The following BAALC variants were observed in gnomAD, a reference collection of about 807,000 sequenced individuals.
BAALC encodes the protein brain and acute leukemia cytoplasmic protein.
BAALC carries 9 observed loss-of-function variants against 15.5 expected under a neutral mutation model. The ratio of observed to expected loss-of-function variants is 0.58; its 90% CI spans 0.35 to 1.02. The LOEUF is 1.02. BAALC is among the 50% of genes least tolerant of loss of function. BAALC has a pLI of 0.02. For synonymous variants in BAALC, 80 were observed against 74.6 expected, an observed-to-expected ratio of 1.07 and a Z score of -0.37; for missense variants, 201 against 192.4, an observed-to-expected ratio of 1.04 and a Z score of -0.27.
intron 1 of BAALC, chr8:103,156,997 A>G (rs1172877476): frequency 6.6e-6 from 1 of 152,428 alleles, no homozygotes; most frequent in African/African-American, 2.4e-5. Flanking sequence ...TTGCACATAA[A>G]TTCAAAATTC....
At chr8:103,171,273 A>G (rs984982694) in intron 1 of BAALC, among the ~76,000 whole-genome samples, 5 of 131,608 alleles carry the variant, frequency 3.8e-5, no homozygotes, top group Non-Finnish European at 8.8e-5. Flanking sequence ...AAAGAAGAGA[A>G]AAAGAAAGAA....
At chr8:103,166,493 G>A (rs1208611930) in intron 1 of BAALC, among the ~76,000 whole-genome samples, 1 of 152,114 alleles carries the variant, frequency 6.6e-6, no homozygotes, top group Non-Finnish European at 1.5e-5. Context: ...GGGAGACAAC[G>A]GGCCTGAGGG....
At chr8:103,209,403 C>A (rs888735794) in intron 1 of BAALC, among the ~76,000 whole-genome samples, 1 of 152,136 alleles carries the variant, frequency 6.6e-6, no homozygotes, top group Admixed American at 6.5e-5. Context: ...GTATGGCACA[C>A]TGGGGGAGAC....
intron 1 of BAALC, among the ~76,000 whole-genome samples, chr8:103,189,759 T>A (rs1354917229): frequency 6.6e-6 from 1 of 152,164 alleles, no homozygotes; most frequent in Non-Finnish European, 1.5e-5. Context: ...GAACCAAGCT[T>A]GGTGATTACC....
chr8:103,163,838 A>G (rs1268210340), intron 1 of BAALC, among the ~76,000 whole-genome samples: 1 of 151,954 alleles, frequency 6.6e-6, no homozygotes, highest in Non-Finnish European at 1.5e-5. Flanking sequence ...CACACAGAAA[A>G]TCCTTCCTTC....
chr8:103,206,590 G>T (rs1353212), intron 1 of BAALC, among the ~76,000 whole-genome samples: 16,366 of 152,134 alleles, frequency 0.11, 1,234 homozygotes, highest in East Asian at 0.29. Context: ...GTGCATTCAG[G>T]TCAGTCGTCT....
chr8:103,197,495 G>A (rs557264606), intron 1 of BAALC, among the ~76,000 whole-genome samples: 1 of 152,214 alleles, frequency 6.6e-6, no homozygotes, highest in African/African-American at 2.4e-5. Context: ...TGAACATAAG[G>A]CTGGCACAAA....
chr8:103,212,795 T>C, intron 1 of BAALC, 124 bp from the exon 2 acceptor site: 1 of 957,660 alleles, frequency 1.0e-6, no homozygotes, highest in South Asian at 1.9e-5. Context: ...TAGCTCTGCA[T>C]GGTGGGATTT....
rs142409544 is a variant in BAALC, at chr8:103,205,816, G to A, written c.161-7103G>A. Among the ~76,000 whole-genome samples, 14 of 152,268 alleles carry A rather than the reference G, an allele frequency of 9.2e-5. No individual in the cohort carries two copies. The East Asian group carries it at 2.3e-3, about 25-fold the overall frequency. On this transcript the variant is annotated intron_variant, in intron 1 of 2. Transcript: ENST00000309982. ...AATACCACAAGCTTTGGAAACATAC[G>A]GAACCTGGGTTAAACTTCAATTTCT...
chr8:103,212,836 T>C (rs772396671), intron 1 of BAALC, 83 bp from the exon 2 acceptor site: 54 of 1,440,126 alleles, frequency 3.7e-5, no homozygotes, highest in Admixed American at 1.8e-4. Flanking sequence ...ATTTTGACTA[T>C]CTGTTTCTCC....
At chr8:103,177,194 T>G (rs1473069157) in intron 1 of BAALC, among the ~76,000 whole-genome samples, 2 of 32,544 alleles carry the variant, frequency 6.1e-5, no homozygotes, top group Admixed American at 4.5e-4. Flanking sequence ...TGTTGTTTTG[T>G]TTTTTTTTTT....
Position 103,144,042 on chromosome 8 carries a change from C to T in BAALC, c.160+2985C>T, listed in dbSNP as rs369637067. On this transcript the variant is annotated intron_variant, in intron 1 of 2. Coordinates refer to ENST00000309982, the MANE Select transcript of BAALC (RefSeq NM_024812.3). The stretch of plus-strand genomic sequence containing the variant: ...ATTTCTTCTGTAGCCTCCCTGAACC[C>T]ACAACCTCAACTCCACAAACATGTC... 1.7e-4 allele frequency among the ~76,000 whole-genome samples: 26 copies of T among 152,332 alleles called. No individual in the cohort carries two copies. The South Asian group carries it at 5.4e-3, about 32-fold the overall frequency.
intron 2 of BAALC, 149 bp from the exon 3 acceptor site, chr8:103,227,840 C>T: frequency 1.7e-6 from 1 of 605,272 alleles, no homozygotes; most frequent in Non-Finnish European, 2.9e-6. Context: ...TTGCACAGAT[C>T]ACAAATGTTC....
chr8:103,141,644 C>T (rs1810781536), intron 1 of BAALC, among the ~76,000 whole-genome samples: 1 of 152,244 alleles, frequency 6.6e-6, no homozygotes, highest in Non-Finnish European at 1.5e-5. Context: ...AAAATAAATG[C>T]ACCCCGCCCC....
At chr8:103,218,989 C>G (rs902649276) in intron 2 of BAALC, among the ~76,000 whole-genome samples, 1 of 152,134 alleles carries the variant, frequency 6.6e-6, no homozygotes, top group Non-Finnish European at 1.5e-5. Flanking sequence ...GAGTCTCTCC[C>G]AGAAAAACAA....
intron 2 of BAALC, among the ~76,000 whole-genome samples, chr8:103,225,776 C>T (rs976453492): frequency 6.6e-6 from 1 of 151,994 alleles, no homozygotes; most frequent in Non-Finnish European, 1.5e-5. Flanking sequence ...GAGGGCAATT[C>T]TCAAAAGAAG....
At chr8:103,148,206 T>TA (rs1459002045) in intron 1 of BAALC, among the ~76,000 whole-genome samples, 1 of 151,938 alleles carries the variant, frequency 6.6e-6, no homozygotes. Flanking sequence ...AATTTGGAGA[T>TA]AGAGAGACAC....
At chr8:103,168,878 C>T (rs968541044) in intron 1 of BAALC, among the ~76,000 whole-genome samples, 1 of 151,998 alleles carries the variant, frequency 6.6e-6, no homozygotes, top group Non-Finnish European at 1.5e-5. Context: ...TGAAACTTTA[C>T]TTTTCAAAAA....
chr8:103,186,291 T>C (rs1344918637), intron 1 of BAALC, among the ~76,000 whole-genome samples: 1 of 152,194 alleles, frequency 6.6e-6, no homozygotes, highest in Non-Finnish European at 1.5e-5. Context: ...ACAATCATCC[T>C]GCGAGGAGGC....
Sources: allele counts gnomAD v4.1 joint callset (sites outside exome capture counted in the v4.1 genomes callset), GRCh38; gene constraint gnomAD v4.1.1; transcripts MANE v1.5; gene names NCBI Gene and HGNC (gene_info 2026-07-23, HGNC 2026-07-21).